The following ZNF385D variants were observed in gnomAD, a reference collection of about 807,000 sequenced individuals.
The protein encoded by ZNF385D is zinc finger protein 385D.
ZNF385D carries 15 observed loss-of-function variants against 35.8 expected under a neutral mutation model. The observed-to-expected ratio is 0.42, with a 90% confidence interval of 0.28 to 0.64. ZNF385D has a LOEUF of 0.64. Ranked by LOEUF, ZNF385D falls within the 30% of genes least tolerant of loss-of-function variation. The pLI is 0.23. For missense variants in ZNF385D, 474 were observed against 494.6 expected (o/e 0.96, Z 0.39); for synonymous variants, 212 against 186.8 (o/e 1.13, Z -1.10).
rs2069509818 is a variant in ZNF385D, at chr3:21,741,413, A to G, written c.22+9482T>C. On this transcript the variant is annotated intron_variant, in intron 1 of 7. Transcript: ENST00000281523. Reference sequence around the variant, plus strand: ...ATCCTAAGAATGCCCACAGACCTCTAAGCTATAGCCCACCATTCCTCAGGG... The same window carrying G: ...ATCCTAAGAATGCCCACAGACCTCTGAGCTATAGCCCACCATTCCTCAGGG... Among the ~76,000 whole-genome samples the G allele has an allele frequency of 6.6e-5, 10 of 152,186 alleles. No individual in the cohort carries two copies. In the South Asian group the frequency reaches 1.9e-3, roughly 28 times the overall value.
intron 3 of ZNF385D, among the ~76,000 whole-genome samples, chr3:21,925,000 T>TA (rs1559759690): frequency 1.3e-5 from 2 of 151,742 alleles, no homozygotes; most frequent in South Asian, 2.1e-4. Context: ...AAAACAATGA[T>TA]AAAAAAAGAG....
chr3:22,035,264 T>C (rs540127629), intron 3 of ZNF385D, among the ~76,000 whole-genome samples: 23 of 152,326 alleles, frequency 1.5e-4, no homozygotes, highest in Middle Eastern at 3.4e-3. Context: ...CTTGTCCTCA[T>C]AGGTCAAAAT....
At chr3:21,580,889 C>A (rs1161448014) in intron 2 of ZNF385D, among the ~76,000 whole-genome samples, 2 of 151,930 alleles carry the variant, frequency 1.3e-5, no homozygotes, top group Non-Finnish European at 2.9e-5. Context: ...AGAAAAGGTC[C>A]CTTCAATGCT....
intron 1 of ZNF385D, 91 bp from the exon 2 acceptor site, chr3:21,665,119 G>A (rs1303576363): frequency 1.4e-6 from 2 of 1,439,636 alleles, no homozygotes; most frequent in Non-Finnish European, 1.8e-6. Context: ...GGCCAGCTTT[G>A]TGGGTCACTG....
intron 2 of ZNF385D, among the ~76,000 whole-genome samples, chr3:22,328,412 A>G (rs979102750): frequency 1.3e-5 from 2 of 152,222 alleles, no homozygotes; most frequent in Non-Finnish European, 2.9e-5. Flanking sequence ...ATATAAGTAT[A>G]CATTGAACAC....
chr3:21,666,051 A>G lies in ZNF385D; in HGVS notation c.23-1023T>C, dbSNP rs796316203. On this transcript the variant is annotated intron_variant, in intron 1 of 7. Coordinates refer to ENST00000281523, the MANE Select transcript of ZNF385D (RefSeq NM_024697.3). ...TTTCTCTCTAACAGTAAAGAATTCTAGGAGACATGCTTGCGCCACTTACTT... is the reference window on the plus strand; with the variant it reads ...TTTCTCTCTAACAGTAAAGAATTCTGGGAGACATGCTTGCGCCACTTACTT... Among the ~76,000 whole-genome samples the G allele has an allele frequency of 1.3e-4, 20 of 152,314 alleles. 1 individual carries two copies. The highest frequency in any genetic ancestry group is 4.6e-4 in the African/African-American group (19 of 41,576).
At chr3:22,143,207 G>T (rs1042562729) in intron 3 of ZNF385D, among the ~76,000 whole-genome samples, 1 of 151,524 alleles carries the variant, frequency 6.6e-6, no homozygotes, top group East Asian at 2.0e-4. Flanking sequence ...CTCAGCCTCC[G>T]GAGTAGCAGC....
At chr3:21,846,025 C>T (rs1011164111) in intron 3 of ZNF385D, among the ~76,000 whole-genome samples, 3 of 151,986 alleles carry the variant, frequency 2.0e-5, no homozygotes, top group Non-Finnish European at 4.4e-5. Flanking sequence ...GAGGAGCCTG[C>T]TAGTAACATA....
chr3:22,288,118 AT>A (rs1702120157), intron 2 of ZNF385D, among the ~76,000 whole-genome samples: 1 of 152,064 alleles, frequency 6.6e-6, no homozygotes, highest in South Asian at 2.1e-4. Flanking sequence ...CTAAAAAAAA[AT>A]CCACTAATAG....
chr3:22,293,972 T>C (rs574163974), intron 2 of ZNF385D, among the ~76,000 whole-genome samples: 2 of 152,212 alleles, frequency 1.3e-5, no homozygotes, highest in East Asian at 3.9e-4. Context: ...TTGGGATCAA[T>C]GAATTTTCTT....
At chr3:22,042,060 A>G (rs900620378) in intron 3 of ZNF385D, among the ~76,000 whole-genome samples, 2 of 152,144 alleles carry the variant, frequency 1.3e-5, no homozygotes, top group Admixed American at 1.3e-4. Context: ...CGGGTAGGTA[A>G]CTACTTCCTA....
chr3:22,093,055 C>A (rs898214511), intron 3 of ZNF385D, among the ~76,000 whole-genome samples: 8 of 152,016 alleles, frequency 5.3e-5, no homozygotes, highest in African/African-American at 7.3e-5. Context: ...TAAAGTGGGA[C>A]AACGTAGAGT....
At chr3:22,143,940 A>C (rs1704682389) in intron 3 of ZNF385D, among the ~76,000 whole-genome samples, 1 of 152,194 alleles carries the variant, frequency 6.6e-6, no homozygotes, top group African/African-American at 2.4e-5. Flanking sequence ...AGAATTTTTA[A>C]AGGCTTAAAA....
intron 3 of ZNF385D, among the ~76,000 whole-genome samples, chr3:21,946,898 T>C (rs565203101): frequency 2.0e-5 from 3 of 152,210 alleles, no homozygotes; most frequent in Non-Finnish European, 4.4e-5. Context: ...CACAAAAACA[T>C]TTTTAAGAAG....
intron 2 of ZNF385D, among the ~76,000 whole-genome samples, chr3:22,282,093 T>C (rs1701776841): frequency 6.6e-6 from 1 of 152,108 alleles, no homozygotes. Context: ...AGTTGTAATA[T>C]ATCCCGTTTC....
intron 1 of ZNF385D, among the ~76,000 whole-genome samples, chr3:21,699,705 A>AAGTAAAAT (rs1240862244): frequency 6.6e-6 from 1 of 151,934 alleles, no homozygotes; most frequent in Non-Finnish European, 1.5e-5. Flanking sequence ...ATATATTATT[A>AAGTAAAAT]AGTAAAATAC....
rs115299047 is a variant in ZNF385D, at chr3:21,695,136, T to C, written c.23-30108A>G. ...AATGAACATATATTTGCCATCATCA[T>C]TGTAAGTGTTACCATCTTATCACCT... On this transcript the variant is annotated intron_variant, in intron 1 of 7. Coordinates refer to ENST00000281523, the MANE Select transcript of ZNF385D (RefSeq NM_024697.3). Among the ~76,000 whole-genome samples, 615 of 152,344 alleles carry C rather than the reference T, an allele frequency of 4.0e-3. 2 individuals carry two copies. Among genetic ancestry groups the C allele is most frequent in the Non-Finnish European group, 6.7e-3 (459 of 68,032 alleles).
chr3:22,221,885 C>G (rs1245381140), intron 2 of ZNF385D, among the ~76,000 whole-genome samples: 1 of 152,082 alleles, frequency 6.6e-6, no homozygotes, highest in Admixed American at 6.6e-5. Context: ...GACAGAGTAG[C>G]AGATGTGAAT....
intron 3 of ZNF385D, among the ~76,000 whole-genome samples, chr3:21,814,107 TA>T (rs2073049122): frequency 6.6e-6 from 1 of 152,108 alleles, no homozygotes; most frequent in South Asian, 2.1e-4. Flanking sequence ...CTAAGCTTCA[TA>T]AGTGAAGGAG....
Sources: allele counts gnomAD v4.1 joint callset (sites outside exome capture counted in the v4.1 genomes callset), GRCh38; gene constraint gnomAD v4.1.1; transcripts MANE v1.5; gene names NCBI Gene and HGNC (gene_info 2026-07-23, HGNC 2026-07-21).